The following TSHZ3 variants were observed in gnomAD, a reference collection of about 807,000 sequenced individuals.
The protein encoded by TSHZ3 is teashirt homolog 3.
In TSHZ3, 10 loss-of-function variants were observed where a neutral mutation model predicts 64.5. The observed-to-expected ratio is 0.16, with a 90% CI of 0.10 to 0.26. The LOEUF (loss-of-function observed/expected upper bound fraction) is 0.26, where lower values mean the gene tolerates loss of function less well. Among genes scored for constraint, TSHZ3 ranks in the 10% least tolerant of loss-of-function variants. The pLI is 1.00. For missense variants in TSHZ3, 1,242 were observed against 1,421.7 expected, an observed-to-expected ratio of 0.87 and a Z score of 2.03; for synonymous variants, 608 against 593.1, an observed-to-expected ratio of 1.03 and a Z score of -0.36.
At chr19:31,248,174 G>A (rs1465271361) in intron 1 of TSHZ3, among the ~76,000 whole-genome samples, 2 of 152,116 alleles carry the variant, frequency 1.3e-5, no homozygotes, top group Non-Finnish European at 2.9e-5. Flanking sequence ...GGTCCTGCCT[G>A]CAACACATGG....
intron 1 of TSHZ3, among the ~76,000 whole-genome samples, chr19:31,345,318 G>A (rs377453196): frequency 1.3e-5 from 2 of 152,214 alleles, no homozygotes; most frequent in Non-Finnish European, 2.9e-5. Flanking sequence ...AGCTAAGGCC[G>A]AAATGCCCTT....
At chr19:31,169,367 C>T (rs1482481402) in intron 5 of TSHZ3, among the ~76,000 whole-genome samples, 1 of 152,112 alleles carries the variant, frequency 6.6e-6, no homozygotes, top group African/African-American at 2.4e-5. Flanking sequence ...GGAAGCAACT[C>T]AAGTGTTCAT....
chr19:31,337,120 G>A (rs547287264), intron 1 of TSHZ3, among the ~76,000 whole-genome samples: 6 of 148,826 alleles, frequency 4.0e-5, no homozygotes, highest in Admixed American at 1.4e-4. Context: ...TGACAATAGC[G>A]TGTTTCTAAT....
Position 31,228,661 on chromosome 19 carries a change from A to T in TSHZ3, n.551-521T>A, listed in dbSNP as rs968709328. Among the ~76,000 whole-genome samples the T allele has an allele frequency of 2.0e-5, 3 of 151,978 alleles. No homozygotes were observed. In the South Asian group the frequency reaches 6.2e-4, roughly 32 times the overall value. On this transcript the variant is annotated intron_variant and non_coding_transcript_variant, in intron 3 of 6. Transcript: ENST00000651361. ...GTCAAACTTTCTTCCTTGAGCTGGG[A>T]TATTTGAACACTGAAGGTTACTAGC...
intron 1 of TSHZ3, among the ~76,000 whole-genome samples, chr19:31,330,706 G>GGC (rs1555739238): frequency 5.6e-4 from 38 of 68,086 alleles, no homozygotes; most frequent in Middle Eastern, 0.01. Flanking sequence ...TTTAATCCTT[G>GGC]GGCGGGGGGA....
intron 1 of TSHZ3, among the ~76,000 whole-genome samples, chr19:31,324,132 G>C (rs900459251): frequency 6.6e-6 from 1 of 152,116 alleles, no homozygotes; most frequent in Non-Finnish European, 1.5e-5. Flanking sequence ...GTGCACACTG[G>C]GCCAGCCTAC....
At chr19:31,208,160 A>C (rs1975211821) in intron 4 of TSHZ3, among the ~76,000 whole-genome samples, 1 of 152,230 alleles carries the variant, frequency 6.6e-6, no homozygotes, top group African/African-American at 2.4e-5. Context: ...AAGCAACAAA[A>C]ATAGATGCTA....
intron 1 of TSHZ3, among the ~76,000 whole-genome samples, chr19:31,341,877 G>A (rs184838293): frequency 4.7e-4 from 71 of 152,206 alleles, no homozygotes; most frequent in Middle Eastern, 3.4e-3. Context: ...TTAAGAAAAC[G>A]GGCATTAAGA....
At chr19:31,304,206 C>T (rs1976802614) in intron 1 of TSHZ3, among the ~76,000 whole-genome samples, 1 of 152,180 alleles carries the variant, frequency 6.6e-6, no homozygotes, top group African/African-American at 2.4e-5. Flanking sequence ...AACTTCTGAC[C>T]TCGTGATCTG....
chr19:31,288,688 A>G (rs1170859525), intron 1 of TSHZ3, among the ~76,000 whole-genome samples: 1 of 152,090 alleles, frequency 6.6e-6, no homozygotes, highest in Non-Finnish European at 1.5e-5. Context: ...AACTACAGGT[A>G]AGCACCACCA....
Position 31,278,264 on chromosome 19 carries a change from T to C in TSHZ3, c.1529A>G (p.Asn510Ser). ...CCCCTTGGGACTCTCTTCTAAGTCATTTTCAGTCAAGTAATGGTATTTGGA... is the reference window on the plus strand; with the variant it reads ...CCCCTTGGGACTCTCTTCTAAGTCACTTTCAGTCAAGTAATGGTATTTGGA... ...ISSKYHYLTE[N>S]DLEESPKGGL... The change falls in exon 2 of 2, where the codon AAT (asparagine) becomes AGT (serine). Residue 510 changes from asparagine (N) to serine (S), a missense_variant. Coordinates refer to ENST00000240587, the MANE Select transcript of TSHZ3 (RefSeq NM_020856.4). This position sits in a 1 kb window ranked among gnomAD's most constrained non-coding sequence, Gnocchi z 4.7. 6.2e-7 allele frequency: 1 copy of C among 1,614,178 alleles called. No individual in the cohort carries two copies. The highest frequency in any genetic ancestry group is 8.5e-7 in the Non-Finnish European group (1 of 1,180,038).
In TSHZ3 at chr19:31,277,361, G is replaced by A. The variant is rs200018669; in HGVS notation, c.2432C>T (p.Thr811Met). The A allele has an allele frequency of 6.8e-6, 11 of 1,614,130 alleles. No homozygotes were observed. Among genetic ancestry groups the A allele is most frequent in the South Asian group, 4.4e-5 (4 of 91,088 alleles). The change falls in exon 2 of 2, where the codon ACG (threonine) becomes ATG (methionine). Residue 811 changes from threonine to methionine, a missense_variant. Around this residue, in one of 4 missense-constraint regions of TSHZ3, gnomAD observed 550 missense variants for 545.1 expected, o/e 1.01. Transcript: ENST00000240587. This position sits in a 1 kb window ranked among gnomAD's most constrained non-coding sequence, Gnocchi z 4.5. The stretch of plus-strand genomic sequence containing the variant: ...TGAGGAGGTTGCCGGGGCTGTGGAC[G>A]TGGGTGACAGAAGCACTGAACCCAA... ...CSLGSVLLSP[T>M]STAPATSSST...
intron 4 of TSHZ3, among the ~76,000 whole-genome samples, chr19:31,208,360 C>T (rs1387568671): frequency 6.6e-6 from 1 of 152,174 alleles, no homozygotes; most frequent in East Asian, 1.9e-4. Flanking sequence ...CTCATCTTAA[C>T]ATTCAGGCTC....
intron 1 of TSHZ3, among the ~76,000 whole-genome samples, chr19:31,321,200 G>GTT (rs1916760306): frequency 6.6e-6 from 1 of 152,136 alleles, no homozygotes; most frequent in South Asian, 2.1e-4. Flanking sequence ...TAATGTCTAA[G>GTT]TTCATCCTCT....
chr19:31,181,714 G>T (rs1278318361), intron 5 of TSHZ3, among the ~76,000 whole-genome samples: 3 of 152,210 alleles, frequency 2.0e-5, no homozygotes, highest in Non-Finnish European at 2.9e-5. Flanking sequence ...ATGCAATGAG[G>T]AAGTGAAGGT....
intron 1 of TSHZ3, among the ~76,000 whole-genome samples, chr19:31,341,726 C>T (rs1325668836): frequency 2.6e-5 from 4 of 151,490 alleles, no homozygotes; most frequent in Non-Finnish European, 2.9e-5. Flanking sequence ...TCCTTTGATC[C>T]GAATCCTCTG....
At chr19:31,339,735 G>GGTGATGGGAGGCCTGGGAAATC (rs1917368109) in intron 1 of TSHZ3, among the ~76,000 whole-genome samples, 1 of 151,896 alleles carries the variant, frequency 6.6e-6, no homozygotes, top group African/African-American at 2.4e-5. Context: ...CTTAGGGCAG[G>GGTGATGGGAGGCCTGGGAAATC]GTGATGGGAG....
chr19:31,265,397 C>CAAAAAAAAAAAAAAAAAA (rs11432951), intron 1 of TSHZ3, among the ~76,000 whole-genome samples: 2 of 34,274 alleles, frequency 5.8e-5, no homozygotes, highest in Non-Finnish European at 5.1e-5. Context: ...AACTCTGTCT[C>CAAAAAAAAAAAAAAAAAA]AAAAAAAAAA....
rs770058384 is a variant in TSHZ3, at chr19:31,278,013, G to A, written c.1780C>T (p.Pro594Ser). The part of the protein sequence containing the change: ...SPTKNQTLVS[P>S]PSSQTSPMPK... ...ATGGGGGACGTCTGGCTGCTGGGTGGAGAGACCAGGGTCTGGTTTTTCGTC... is the reference window on the plus strand; with the variant it reads ...ATGGGGGACGTCTGGCTGCTGGGTGAAGAGACCAGGGTCTGGTTTTTCGTC... Residue 594 changes from proline to serine, a missense_variant, in exon 2 of 2, where the codon CCA becomes TCA. Around this residue, in one of 4 missense-constraint regions of TSHZ3, gnomAD observed 550 missense variants for 545.1 expected, o/e 1.01. Transcript: ENST00000240587. The surrounding 1 kb of genome is among the most constrained non-coding windows in gnomAD (Gnocchi z 4.7). 3 of 1,613,920 alleles carry A rather than the reference G, an allele frequency of 1.9e-6. No homozygotes were observed. Among genetic ancestry groups the A allele is most frequent in the African/African-American group, 2.7e-5 (2 of 74,936 alleles).
Sources: gnomAD v4.1 joint callset for allele counts (sites outside exome capture counted in the v4.1 genomes callset) on GRCh38, gnomAD v4.1.1 for gene constraint, gnomAD v4.1.1 regional missense constraint, Gnocchi (gnomAD v3.1) non-coding constraint, MANE v1.5 for transcripts, NCBI Gene and HGNC (gene_info 2026-07-23, HGNC 2026-07-21) for gene names.